Variants in CARS1 observed in about 807,000 individuals in gnomAD.
CARS1 encodes cysteinyl-tRNA synthetase 1.
Under a neutral mutation model 106.2 loss-of-function variants are expected in CARS1, and 48 were observed. The observed-to-expected ratio is 0.45, with a 90% CI of 0.36 to 0.57. The LOEUF (loss-of-function observed/expected upper bound fraction) is 0.57, where lower values mean the gene tolerates loss of function less well. Ranked by LOEUF, CARS1 falls within the 20% of genes least tolerant of loss-of-function variation. The pLI is 0.00. For synonymous variants in CARS1, 409 were observed against 403.4 expected (o/e 1.01, Z -0.17); for missense variants, 968 against 1,057.2 (o/e 0.92, Z 1.17).
At position 3,001,112 on chromosome 11, in the gene CARS1, C is replaced by A; in HGVS notation, c.*2G>T. 5 of 1,613,992 alleles carry A rather than the reference C, an allele frequency of 3.1e-6. No homozygotes were observed. Among genetic ancestry groups the A allele is most frequent in the Non-Finnish European group, 4.2e-6 (5 of 1,180,004 alleles). ...GGTTTAAAAAGTCAGTCCTGTGCCC[C>A]CTCACTGGAAGCTTCCATTCTGGGC... is the stretch of plus-strand genomic sequence containing the variant. On this transcript the variant is annotated 3_prime_UTR_variant, in exon 23 of 23. Transcript: ENST00000380525.
rs1387007519 is a variant in CARS1 at position 3,004,220 on chromosome 11, G to A, written c.2217+1146C>T. 1.3e-5 allele frequency among the ~76,000 whole-genome samples: 2 copies of A among 152,168 alleles called. No homozygotes were observed. The highest frequency in any genetic ancestry group is 4.8e-5 in the African/African-American group (2 of 41,426). ...TCTTCCCAACCTGCCAACCAGGATG[G>A]ACCTGCAGACCACTCACCACTGTCT... On this transcript the variant is annotated intron_variant, in intron 20 of 22. Coordinates refer to ENST00000380525, the MANE Select transcript of CARS1 (RefSeq NM_001014437.3). This position sits in a 1 kb window ranked among gnomAD's most constrained non-coding sequence, Gnocchi z 5.2.
At position 3,045,679 on chromosome 11, in the gene CARS1, C is replaced by A. The variant is rs1460952543; in HGVS notation, c.274+2074G>T. Among the ~76,000 whole-genome samples, 1 of 152,184 alleles carries A rather than the reference C, an allele frequency of 6.6e-6. No individual in the cohort carries two copies. The highest frequency in any genetic ancestry group is 1.5e-5 in the Non-Finnish European group (1 of 68,038). ...CCAGACACAGGCACATCTGATGCTG[C>A]TGGGATGTCCAACAGAGGTGGAAGG... On this transcript the variant is annotated intron_variant, in intron 2 of 22. Coordinates refer to ENST00000380525, the MANE Select transcript of CARS1 (RefSeq NM_001014437.3). The surrounding 1 kb of genome is among the most constrained non-coding windows in gnomAD (Gnocchi z 5.6).
In CARS1 at chr11:3,002,028, A is replaced by C; in HGVS notation, c.2303T>G (p.Ile768Ser). ...TGACAAGAACATCTCACTGGGGGGA[A>C]TCTTCATCTTGGCCAGCTTTGCTGC... is the stretch of plus-strand genomic sequence containing the variant. Reference protein sequence around the residue: ...QEAAKLAKMKIPPSEMFLSET... With the variant: ...QEAAKLAKMKSPPSEMFLSET... The change falls in exon 22 of 23, where the codon ATT (isoleucine) becomes AGT (serine). Residue 768 changes from isoleucine to serine, a missense_variant. Physicochemically the swap from Ile to Ser is moderately radical, Grantham distance 142 (BLOSUM62 -2). Coordinates refer to ENST00000380525, the MANE Select transcript of CARS1 (RefSeq NM_001014437.3). 5 of 1,613,776 alleles carry C rather than the reference A, an allele frequency of 3.1e-6. No individual in the cohort carries two copies. The highest frequency in any genetic ancestry group is 4.2e-6 in the Non-Finnish European group (5 of 1,179,796).
Position 3,039,103 on chromosome 11 carries a change from G to A in CARS1, c.651+91C>T. On this transcript the variant is annotated intron_variant, in intron 6 of 22. Coordinates refer to ENST00000380525, the MANE Select transcript of CARS1 (RefSeq NM_001014437.3). The surrounding 1 kb of genome is among the most constrained non-coding windows in gnomAD (Gnocchi z 5.6). ...ACATACACTTTGTGAAAGCCTGTGA[G>A]ACTGACACTACCCTAGGGACAGTAG... 1.3e-6 allele frequency: 1 copy of A among 797,346 alleles called. No individual in the cohort carries two copies. Among genetic ancestry groups the A allele is most frequent in the Non-Finnish European group, 2.1e-6 (1 of 474,724 alleles). The allele number at this position is 797,346 out of a possible 1,614,324, so 49.4% of individuals were successfully genotyped here. A position where few individuals can be genotyped will look rare whatever the true frequency, so the allele number is the denominator to read the frequency against.
chr11:3,002,138 GCCCTCAAC>G, intron 21 of CARS1, 85 bp from the exon 22 acceptor site: 2 of 910,908 alleles, frequency 2.2e-6, no homozygotes, highest in Middle Eastern at 2.2e-4. Flanking sequence ...CATACCTCCA[GCCCTCAAC>G]TTGCTTCCAA....
At position 3,029,712 on chromosome 11, in the gene CARS1, G is replaced by A; in HGVS notation, c.802-269C>T. The A allele has an allele frequency of 2.1e-6, 1 of 479,742 alleles. No homozygotes were observed. 29.7% of individuals were successfully genotyped at this position (479,742 alleles called of 1,614,324 possible). ...GTGCAGAGGCAAAAAGAGGTGGGAG[G>A]GCCGAGGTGGGCCTGGTGAGCATGT... On this transcript the variant is annotated intron_variant, in intron 7 of 22. Transcript: ENST00000380525. This position sits in a 1 kb window ranked among gnomAD's most constrained non-coding sequence, Gnocchi z 5.9.
chr11:3,042,345 C>T lies in CARS1; in HGVS notation c.275-89G>A, dbSNP rs563771383. ...TCACCTGGAGACTTGGTTTTTACAA[C>T]GGGACCATAGTTTTCCATGAAATTT... is the stretch of plus-strand genomic sequence containing the variant. On this transcript the variant is annotated intron_variant, in intron 2 of 22. Transcript: ENST00000380525. 32 of 836,922 alleles carry T rather than the reference C, an allele frequency of 3.8e-5. 1 individual carries two copies. The highest frequency in any genetic ancestry group is 1.3e-4 in the African/African-American group (8 of 59,282). The allele number at this position is 836,922 out of a possible 1,614,324, so 51.8% of individuals were successfully genotyped here. A position where few individuals can be genotyped will look rare whatever the true frequency, so the allele number is the denominator to read the frequency against.
intron 1 of CARS1, among the ~76,000 whole-genome samples, chr11:3,055,392 C>T (rs1856103021): frequency 6.6e-6 from 1 of 152,298 alleles, no homozygotes; most frequent in South Asian, 2.1e-4. Flanking sequence ...CTGCCTGCCT[C>T]GGCCTCCCAA....
At chr11:3,042,777 G>A (rs1159158544) in intron 2 of CARS1, among the ~76,000 whole-genome samples, 1 of 152,156 alleles carries the variant, frequency 6.6e-6, no homozygotes, top group Non-Finnish European at 1.5e-5. Flanking sequence ...CCCTCACCTG[G>A]ACAAACTGAG....
In CARS1 at chr11:3,046,410, T is replaced by G. The variant is rs1855083479; in HGVS notation, c.274+1343A>C. On this transcript the variant is annotated intron_variant, in intron 2 of 22. Coordinates refer to ENST00000380525, the MANE Select transcript of CARS1 (RefSeq NM_001014437.3). The surrounding 1 kb of genome is among the most constrained non-coding windows in gnomAD (Gnocchi z 5.8). The stretch of plus-strand genomic sequence containing the variant: ...CCCGAGCCCTTGGAGAGAAGGCACC[T>G]CACAGCACAGGTGTCACTTGGGTGA... 6.6e-6 allele frequency among the ~76,000 whole-genome samples: 1 copy of G among 152,128 alleles called. No individual in the cohort carries two copies.
chr11:3,056,649 G>A (rs1423443533), intron 1 of CARS1, among the ~76,000 whole-genome samples: 2 of 152,304 alleles, frequency 1.3e-5, no homozygotes, highest in Non-Finnish European at 2.9e-5. Context: ...TACCCCTGGC[G>A]TCCTCTGCCC....
At position 3,020,560 on chromosome 11, in the gene CARS1, T is replaced by A. The variant is rs1434895098; in HGVS notation, c.1154-228A>T. Among the ~76,000 whole-genome samples, 1 of 152,236 alleles carries A rather than the reference T, an allele frequency of 6.6e-6. No individual in the cohort carries two copies. The highest frequency in any genetic ancestry group is 2.4e-5 in the African/African-American group (1 of 41,458). ...CATAATCCCCAAAGTCACCAGCTTA[T>A]ATACCTGGCTGACTTGAGGCCACAT... On this transcript the variant is annotated intron_variant, in intron 10 of 22. Transcript: ENST00000380525. The surrounding 1 kb of genome is among the most constrained non-coding windows in gnomAD (Gnocchi z 4.6).
chr11:3,041,255 G>T lies in CARS1; in HGVS notation c.367-271C>A. 2.2e-6 allele frequency: 1 copy of T among 449,358 alleles called. No homozygotes were observed. 27.8% of individuals were successfully genotyped at this position (449,358 alleles called of 1,614,324 possible). A position where few individuals can be genotyped will look rare whatever the true frequency, so the allele number is the denominator to read the frequency against. On this transcript the variant is annotated intron_variant, in intron 3 of 22. Coordinates refer to ENST00000380525, the MANE Select transcript of CARS1 (RefSeq NM_001014437.3). The surrounding 1 kb of genome is among the most constrained non-coding windows in gnomAD (Gnocchi z 4.9). ...GAGGGAGGCGATAAAGGGAATCAAT[G>T]ATTTTATTGATTGTTGAAATGCTGC... is the stretch of plus-strand genomic sequence containing the variant.
In CARS1 at chr11:3,039,394, G is replaced by T; in HGVS notation, c.553-102C>A. 1.4e-6 allele frequency: 1 copy of T among 729,440 alleles called. No individual in the cohort carries two copies. The allele number at this position is 729,440 out of a possible 1,614,324, so 45.2% of individuals were successfully genotyped here. ...CTTGGCCAACTCTAAGTGAGGGTGAGGGTGGTGGGAGACAACTGTGGGCCC... is the reference window on the plus strand; with the variant it reads ...CTTGGCCAACTCTAAGTGAGGGTGATGGTGGTGGGAGACAACTGTGGGCCC... On this transcript the variant is annotated intron_variant, in intron 5 of 22. Transcript: ENST00000380525. The surrounding 1 kb of genome is among the most constrained non-coding windows in gnomAD (Gnocchi z 5.6).
rs1449970082 is a variant in CARS1 at position 3,034,537 on chromosome 11, T to C, written c.801+3513A>G. The stretch of plus-strand genomic sequence containing the variant: ...CGCCTGGCCGGGAATGGGTAAAATT[T>C]TTTTTCTTTTTGAGACGGAGTCTTG... On this transcript the variant is annotated intron_variant, in intron 7 of 22. Transcript: ENST00000380525. This position sits in a 1 kb window ranked among gnomAD's most constrained non-coding sequence, Gnocchi z 6.3. Among the ~76,000 whole-genome samples, 2 of 150,972 alleles carry C rather than the reference T, an allele frequency of 1.3e-5. No homozygotes were observed. The highest frequency in any genetic ancestry group is 2.4e-5 in the African/African-American group (1 of 40,826).
chr11:3,005,517 GC>G, intron 19 of CARS1, 84 bp from the exon 20 acceptor site: 2 of 1,054,514 alleles, frequency 1.9e-6, no homozygotes, highest in South Asian at 1.3e-5. Context: ...GCCCTGCCCT[GC>G]CCAGACCATG....
At chr11:3,015,184 G>A (rs7946355) in intron 17 of CARS1, among the ~76,000 whole-genome samples, 8,807 of 152,174 alleles carry the variant, frequency 0.058, 873 homozygotes, top group African/African-American at 0.2. Context: ...TTTTCTCACC[G>A]CACAGACCCA....
Position 3,046,611 on chromosome 11 carries a change from G to C in CARS1, c.274+1142C>G, listed in dbSNP as rs898131369. ...CTGGTTAAAACAGTGATCTAGCAGA[G>C]GCCTGACCCACGGCAGAGGCGGGGG... On this transcript the variant is annotated intron_variant, in intron 2 of 22. Transcript: ENST00000380525. The surrounding 1 kb of genome is among the most constrained non-coding windows in gnomAD (Gnocchi z 5.8). 2.0e-5 allele frequency among the ~76,000 whole-genome samples: 3 copies of C among 152,182 alleles called. No homozygotes were observed. The highest frequency in any genetic ancestry group is 7.2e-5 in the African/African-American group (3 of 41,434).
At chr11:3,014,696 A>G (rs1193477654) in intron 17 of CARS1, among the ~76,000 whole-genome samples, 1 of 152,280 alleles carries the variant, frequency 6.6e-6, no homozygotes, top group Admixed American at 6.5e-5. Flanking sequence ...GGAAGTCTCA[A>G]AAATACCACA....
Sources: allele counts gnomAD v4.1 joint callset (sites outside exome capture counted in the v4.1 genomes callset), GRCh38; gene constraint gnomAD v4.1.1; non-coding constraint Gnocchi (gnomAD v3.1); transcripts MANE v1.5; gene names NCBI Gene and HGNC (gene_info 2026-07-23, HGNC 2026-07-21).